Variants in SFI1 observed in about 807,000 individuals in gnomAD.
SFI1 encodes the protein SFI1 centrin binding protein.
In SFI1, 195 loss-of-function variants were observed where a neutral mutation model predicts 207.5. The ratio of observed to expected loss-of-function variants is 0.94; its 90% CI spans 0.84 to 1.06. The LOEUF is 1.06. SFI1 is among the 50% of genes least tolerant of loss of function. The pLI, the probability that SFI1 is intolerant of heterozygous loss-of-function variation, is 0.00. For synonymous variants in SFI1, 630 were observed against 598.9 expected, an observed-to-expected ratio of 1.05 and a Z score of -0.76; for missense variants, 1,634 against 1,588.0, an observed-to-expected ratio of 1.03 and a Z score of -0.49.
chr22:31,548,010 C>T (rs185710463), intron 5 of SFI1, among the ~76,000 whole-genome samples: 1,766 of 151,008 alleles, frequency 0.012, 10 homozygotes, highest in Middle Eastern at 0.031. Context: ...GTCAGGAGAT[C>T]GAGACCATCC....
intron 20 of SFI1, chr22:31,606,026 A>G (rs979651279): frequency 1.1e-5 from 4 of 351,536 alleles, no homozygotes; most frequent in South Asian, 8.2e-5. Flanking sequence ...CTCTTATCAC[A>G]GTGTGAGTCA....
At chr22:31,611,444 T>A in intron 23 of SFI1, 141 bp downstream of exon 23, 1 of 1,130,894 alleles carries the variant, frequency 8.8e-7, no homozygotes, top group Non-Finnish European at 1.2e-6. Flanking sequence ...TGGGGTCCTG[T>A]AAGACAAAGC....
chr22:31,519,288 T>C (rs1261057350), intron 2 of SFI1, among the ~76,000 whole-genome samples: 1 of 151,038 alleles, frequency 6.6e-6, no homozygotes, highest in Non-Finnish European at 1.5e-5. Flanking sequence ...TTTTTTTTTT[T>C]GATACAGGGT....
At chr22:31,521,429 A>G (rs4820980) in intron 2 of SFI1, 108,653 of 161,630 alleles carry the variant, frequency 0.67, 37,016 homozygotes, top group Non-Finnish European at 0.73. Context: ...CACTGTTCAC[A>G]GTGGCAGTCA....
At chr22:31,560,487 TG>T (rs1352517012) in intron 7 of SFI1, among the ~76,000 whole-genome samples, 4 of 149,170 alleles carry the variant, frequency 2.7e-5, no homozygotes, top group Non-Finnish European at 5.9e-5. Context: ...CAGCCACCTC[TG>T]CCTCCTGGGT....
In SFI1 at chr22:31,602,241, T is replaced by G. The variant is rs2068237328; in HGVS notation, c.1574T>G (p.Leu525Arg). The change falls in exon 16 of 33, where the codon CTC (leucine) becomes CGC (arginine). Residue 525 changes from leucine to arginine, a missense_variant. Physicochemically the swap from Leu to Arg is moderately radical, Grantham distance 102 (BLOSUM62 -2). Transcript: ENST00000400288. ...RETLEKQVFS[L>R]WRQKMFQHRE... is the part of the protein sequence containing the mutation. ...ACATTAGAGAAGCAAGTATTTTCTCTCTGGAGGCAGAAGATGTTTCAGCAT... is the reference window on the plus strand; with the variant it reads ...ACATTAGAGAAGCAAGTATTTTCTCGCTGGAGGCAGAAGATGTTTCAGCAT... The G allele has an allele frequency of 6.2e-7, 1 of 1,614,088 alleles. No individual in the cohort carries two copies.
intron 2 of SFI1, among the ~76,000 whole-genome samples, chr22:31,525,654 A>G (rs1175793124): frequency 6.6e-6 from 1 of 152,152 alleles, no homozygotes; most frequent in Non-Finnish European, 1.5e-5. Flanking sequence ...GAGGTCAAGG[A>G]TGCAGTGAGC....
At chr22:31,604,496 C>T in intron 19 of SFI1, 92 bp downstream of exon 19, 1 of 1,161,864 alleles carries the variant, frequency 8.6e-7, no homozygotes, top group Non-Finnish European at 1.2e-6. Context: ...CCTGTCCGTC[C>T]CAGAACAGAG....
intron 3 of SFI1, 109 bp downstream of exon 3, chr22:31,528,972 T>C (rs2058206010): frequency 9.4e-7 from 1 of 1,063,920 alleles, no homozygotes; most frequent in Non-Finnish European, 1.4e-6. Flanking sequence ...GTGGGAGATC[T>C]TGATGCCTGT....
intron 2 of SFI1, among the ~76,000 whole-genome samples, chr22:31,518,651 A>G (rs2056835632): frequency 6.6e-6 from 1 of 152,130 alleles, no homozygotes; most frequent in Non-Finnish European, 1.5e-5. Context: ...ATAACTGCTT[A>G]CAAGGCTGAC....
intron 22 of SFI1, among the ~76,000 whole-genome samples, chr22:31,610,621 C>T (rs542710195): frequency 2.6e-5 from 4 of 152,356 alleles, no homozygotes; most frequent in Admixed American, 2.6e-4. Context: ...TGGCCCATTC[C>T]TGCAGAACCC....
chr22:31,610,589 C>A (rs938434110), intron 22 of SFI1, among the ~76,000 whole-genome samples: 7 of 152,208 alleles, frequency 4.6e-5, no homozygotes, highest in Non-Finnish European at 1.0e-4. Flanking sequence ...AATCTGGTGA[C>A]ACAAAAACAA....
intron 2 of SFI1, among the ~76,000 whole-genome samples, chr22:31,518,860 G>C (rs775684526): frequency 2.0e-5 from 3 of 152,172 alleles, no homozygotes; most frequent in Admixed American, 6.6e-5. Flanking sequence ...GTAAAAACTT[G>C]GGTACTGAGT....
chr22:31,512,308 TTG>T (rs1228473929), intron 2 of SFI1, among the ~76,000 whole-genome samples: 1 of 151,136 alleles, frequency 6.6e-6, no homozygotes, highest in Non-Finnish European at 1.5e-5. Flanking sequence ...TAAGCTGAGA[TTG>T]TGCCATTGCA....
chr22:31,541,551 C>G (rs1257790388), intron 4 of SFI1, among the ~76,000 whole-genome samples: 1 of 151,066 alleles, frequency 6.6e-6, no homozygotes, highest in Non-Finnish European at 1.5e-5. Flanking sequence ...GTCAAGAGTT[C>G]AAGACCAGCC....
At chr22:31,540,186 G>A (rs1055030622) in intron 4 of SFI1, among the ~76,000 whole-genome samples, 6 of 147,666 alleles carry the variant, frequency 4.1e-5, no homozygotes, top group South Asian at 2.2e-4. Context: ...CTTCTGGCAC[G>A]GGGTGGGGGG....
rs1285223100 is a variant in SFI1, at chr22:31,561,316, G to A, written c.689G>A (p.Arg230Gln). ...LRVWWSTWRQ[R>Q]LGQVRVSRAL... ...GTGTGGTGGAGCACGTGGAGGCAGC[G>A]ACTAGGACAGGTCCGTGTGAGCCGT... Residue 230 changes from arginine (R) to glutamine (Q), a missense_variant, in exon 8 of 33, where the codon CGA (arginine) becomes CAA (glutamine). Transcript: ENST00000400288. 2 of 1,614,044 alleles carry A rather than the reference G, an allele frequency of 1.2e-6. No individual in the cohort carries two copies. Among genetic ancestry groups the A allele is most frequent in the South Asian group, 1.1e-5 (1 of 91,048 alleles).
intron 1 of SFI1, among the ~76,000 whole-genome samples, chr22:31,502,987 A>C (rs1475798628): frequency 6.9e-6 from 1 of 145,370 alleles, no homozygotes; most frequent in African/African-American, 2.6e-5. Flanking sequence ...CCCAGGAGGC[A>C]GAGTTTGCAG....
chr22:31,552,013 T>C (rs1247186860), intron 6 of SFI1, among the ~76,000 whole-genome samples: 1 of 152,210 alleles, frequency 6.6e-6, no homozygotes, highest in Non-Finnish European at 1.5e-5. Context: ...TTTTCAACCC[T>C]TGGGCCTCTT....
Sources: allele counts gnomAD v4.1 joint callset (sites outside exome capture counted in the v4.1 genomes callset), GRCh38; gene constraint gnomAD v4.1.1; transcripts MANE v1.5; gene names NCBI Gene and HGNC (gene_info 2026-07-23, HGNC 2026-07-21).